The following ADK variants were observed in gnomAD, a reference collection of about 807,000 sequenced individuals.
The protein encoded by ADK is adenosine kinase.
ADK carries 24 observed loss-of-function variants against 44.7 expected under a neutral mutation model. The observed-to-expected ratio is 0.54, with a 90% CI of 0.39 to 0.76. The LOEUF (loss-of-function observed/expected upper bound fraction) is 0.76. Ranked by LOEUF, ADK falls within the 30% of genes least tolerant of loss-of-function variation. The probability of loss-of-function intolerance (pLI) is 0.00; values close to 1 mark genes in which losing one functional copy is unlikely to be tolerated. For synonymous variants in ADK, 128 were observed against 142.6 expected, an observed-to-expected ratio of 0.90 and a Z score of 0.73; for missense variants, 321 against 425.1, an observed-to-expected ratio of 0.76 and a Z score of 2.15.
intron 6 of ADK, among the ~76,000 whole-genome samples, chr10:74,427,822 A>AGTG (rs1188397821): frequency 3.3e-5 from 5 of 152,124 alleles, no homozygotes; most frequent in Non-Finnish European, 5.9e-5. Flanking sequence ...TCACAATAGT[A>AGTG]GTGACACACC....
chr10:74,358,449 T>C (rs940776358), intron 4 of ADK, among the ~76,000 whole-genome samples: 6 of 152,220 alleles, frequency 3.9e-5, no homozygotes, highest in African/African-American at 1.4e-4. Flanking sequence ...CAAAGGTACC[T>C]ACTAGATTAT....
At chr10:74,579,238 A>T (rs1589266949) in intron 7 of ADK, among the ~76,000 whole-genome samples, 1 of 152,210 alleles carries the variant, frequency 6.6e-6, no homozygotes, top group African/African-American at 2.4e-5. Context: ...TGTCTTAAAA[A>T]AAAAAAAAAA....
chr10:74,271,082 T>C (rs932179285), intron 3 of ADK, among the ~76,000 whole-genome samples: 12 of 152,178 alleles, frequency 7.9e-5, no homozygotes, highest in Non-Finnish European at 1.5e-4. Flanking sequence ...GGATGGTCAC[T>C]TTAGATTAAA....
At position 74,555,039 on chromosome 10, in the gene ADK, G is replaced by A. The variant is rs144031663; in HGVS notation, c.726+29613G>A. On this transcript the variant is annotated intron_variant, in intron 7 of 10. Coordinates refer to ENST00000539909, the MANE Select transcript of ADK (RefSeq NM_006721.4). ...AGGCTGGGCACGGTGGCTCACGCCTGTAATCCCATCACTTTGGGAGGCCAA... is the reference window on the plus strand; with the variant it reads ...AGGCTGGGCACGGTGGCTCACGCCTATAATCCCATCACTTTGGGAGGCCAA... Among the ~76,000 whole-genome samples, 88 of 152,288 alleles carry A rather than the reference G, an allele frequency of 5.8e-4. No individual in the cohort carries two copies. The East Asian group carries it at 0.014, about 23-fold the overall frequency.
chr10:74,525,439 T>TTTCAAAAGTTA lies in ADK; in HGVS notation c.726+13_726+14insTTCAAAAGTTA, dbSNP rs769759022. 14 of 1,605,828 alleles carry TTTCAAAAGTTA rather than the reference T, an allele frequency of 8.7e-6. No individual in the cohort carries two copies. In the African/African-American group the frequency reaches 1.9e-4, roughly 21 times the overall value. On this transcript the variant is annotated intron_variant, in intron 7 of 10. Coordinates refer to ENST00000539909, the MANE Select transcript of ADK (RefSeq NM_006721.4). Reference sequence around the variant, plus strand: ...TGGAAATGAGACAGTGAGTTACCTTTCCTTTTTCAAAAGAACCTGGGGGTT... The same window carrying TTTCAAAAGTTA: ...TGGAAATGAGACAGTGAGTTACCTTTTTCAAAAGTTACCTTTTTCAAAAGAACCTGGGGGTT...
At chr10:74,543,139 A>C (rs1051433160) in intron 7 of ADK, among the ~76,000 whole-genome samples, 42 of 151,504 alleles carry the variant, frequency 2.8e-4, no homozygotes, top group Admixed American at 7.9e-4. Context: ...TGTCCTCGTG[A>C]TCCTCCCGCC....
rs116996478 is a variant in ADK at position 74,561,914 on chromosome 10, A to T, written c.727-27368A>T. 8.5e-5 allele frequency among the ~76,000 whole-genome samples: 13 copies of T among 152,340 alleles called. No homozygotes were observed. In the East Asian group the frequency reaches 2.5e-3, roughly 29 times the overall value. On this transcript the variant is annotated intron_variant, in intron 7 of 10. Transcript: ENST00000539909. Reference sequence around the variant, plus strand: ...TTGTAATTTTCTATAATGGATTCCTAGAGTTTACCAACTAATATGACGGTC... The same window carrying T: ...TTGTAATTTTCTATAATGGATTCCTTGAGTTTACCAACTAATATGACGGTC...
chr10:74,575,890 A>G (rs1226710266), intron 7 of ADK, among the ~76,000 whole-genome samples: 1 of 152,182 alleles, frequency 6.6e-6, no homozygotes, highest in East Asian at 1.9e-4. Flanking sequence ...GTAAGAATTA[A>G]TACAGGCCTG....
intron 3 of ADK, among the ~76,000 whole-genome samples, chr10:74,246,415 T>A (rs1333202354): frequency 6.6e-6 from 1 of 152,226 alleles, no homozygotes; most frequent in East Asian, 1.9e-4. Flanking sequence ...GTGTGTGTTC[T>A]AATGAGTTGA....
At chr10:74,651,408 C>T (rs548512971) in intron 9 of ADK, among the ~76,000 whole-genome samples, 1 of 152,196 alleles carries the variant, frequency 6.6e-6, no homozygotes, top group South Asian at 2.1e-4. Flanking sequence ...ATTCTACTCT[C>T]CTGTAGAATG....
intron 1 of ADK, among the ~76,000 whole-genome samples, chr10:74,175,791 T>C (rs1403258406): frequency 6.6e-6 from 1 of 152,168 alleles, no homozygotes; most frequent in Non-Finnish European, 1.5e-5. Flanking sequence ...ATTAAAAAAA[T>C]TATTGCACAG....
chr10:74,309,184 A>G (rs1445648482), intron 3 of ADK, among the ~76,000 whole-genome samples: 3 of 152,014 alleles, frequency 2.0e-5, no homozygotes, highest in Non-Finnish European at 4.4e-5. Flanking sequence ...TGTATTCCTT[A>G]TTGTTCTCTT....
chr10:74,552,570 G>T (rs376417677), intron 7 of ADK, among the ~76,000 whole-genome samples: 63 of 151,144 alleles, frequency 4.2e-4, no homozygotes, highest in Non-Finnish European at 8.8e-4. Flanking sequence ...TACACTGAAA[G>T]CATATTTTAT....
At position 74,200,822 on chromosome 10, in the gene ADK, A is replaced by C; in HGVS notation, c.124A>C (p.Lys42Gln). The change falls in exon 2 of 11, where the codon AAA (lysine) becomes CAA (glutamine). Residue 42 changes from lysine to glutamine, a missense_variant. Physicochemically the swap from Lys to Gln is moderately conservative, Grantham distance 53. Coordinates refer to ENST00000539909, the MANE Select transcript of ADK (RefSeq NM_006721.4). The part of the protein sequence containing the change: ...PLLDISAVVD[K>Q]DFLDKYSLKP... The stretch of plus-strand genomic sequence containing the variant: ...GCTTGACATCTCTGCTGTAGTGGAC[A>C]AAGATTTCCTTGATAAGTAAGTATT... The C allele has an allele frequency of 6.2e-7, 1 of 1,607,078 alleles. No homozygotes were observed. Among genetic ancestry groups the C allele is most frequent in the Non-Finnish European group, 8.5e-7 (1 of 1,174,072 alleles).
intron 4 of ADK, among the ~76,000 whole-genome samples, chr10:74,356,072 G>A (rs1324306006): frequency 1.5e-5 from 2 of 131,398 alleles, no homozygotes; most frequent in Non-Finnish European, 3.1e-5. Flanking sequence ...ACTGCGGACT[G>A]CAGTGGCGCA....
intron 1 of ADK, among the ~76,000 whole-genome samples, chr10:74,174,777 A>G (rs1040289775): frequency 6.6e-6 from 1 of 152,252 alleles, no homozygotes; most frequent in Non-Finnish European, 1.5e-5. Context: ...GTGTTTTAAC[A>G]GCTTTTACTC....
chr10:74,588,593 G>T (rs965608590), intron 7 of ADK, among the ~76,000 whole-genome samples: 1 of 152,106 alleles, frequency 6.6e-6, no homozygotes, highest in Non-Finnish European at 1.5e-5. Flanking sequence ...TACTTTATAG[G>T]TGATGGTGTG....
chr10:74,639,419 T>C (rs1310331482), intron 9 of ADK, among the ~76,000 whole-genome samples: 2 of 152,242 alleles, frequency 1.3e-5, no homozygotes, highest in Admixed American at 1.3e-4. Context: ...CTTGAAACTA[T>C]ATATATTATG....
intron 4 of ADK, among the ~76,000 whole-genome samples, chr10:74,377,609 A>T (rs1842855083): frequency 6.6e-6 from 1 of 152,208 alleles, no homozygotes; most frequent in African/African-American, 2.4e-5. Flanking sequence ...ATTGTCGTTT[A>T]TCAGGAAGGA....
Sources: allele counts gnomAD v4.1 joint callset (sites outside exome capture counted in the v4.1 genomes callset), GRCh38; gene constraint gnomAD v4.1.1; transcripts MANE v1.5; gene names NCBI Gene and HGNC (gene_info 2026-07-23, HGNC 2026-07-21).